Variants in CHCHD6 observed in about 807,000 individuals in gnomAD.
CHCHD6 encodes MICOS complex subunit MIC25.
Under a neutral mutation model 32.3 loss-of-function variants are expected in CHCHD6, and 28 were observed. The observed-to-expected ratio is 0.87, with a 90% CI of 0.64 to 1.19. CHCHD6 has a LOEUF of 1.19. Among genes scored for constraint, CHCHD6 ranks in the 50% most tolerant of loss-of-function variants. CHCHD6 has a pLI of 0.00. For missense variants in CHCHD6, 333 were observed against 307.0 expected (o/e 1.08, Z -0.63); for synonymous variants, 122 against 117.5 (o/e 1.04, Z -0.25).
chr3:126,764,582 A>G (rs1342600225), intron 4 of CHCHD6, among the ~76,000 whole-genome samples: 1 of 152,210 alleles, frequency 6.6e-6, no homozygotes, highest in Admixed American at 6.5e-5. Context: ...GCTGGCTGCC[A>G]GGTTTACATG....
intron 1 of CHCHD6, among the ~76,000 whole-genome samples, chr3:126,722,150 C>T (rs1935330351): frequency 6.6e-6 from 1 of 152,106 alleles, no homozygotes; most frequent in African/African-American, 2.4e-5. Flanking sequence ...TATAATTTGA[C>T]TTTAAAAATT....
intron 6 of CHCHD6, among the ~76,000 whole-genome samples, chr3:126,918,392 A>T (rs1218250024): frequency 6.6e-6 from 1 of 152,228 alleles, no homozygotes; most frequent in Admixed American, 6.5e-5. Flanking sequence ...TGTTTGCCAG[A>T]CACCATGCTA....
At chr3:126,819,698 CTCTAAA>C (rs1940068771) in intron 4 of CHCHD6, among the ~76,000 whole-genome samples, 13 of 152,210 alleles carry the variant, frequency 8.5e-5, no homozygotes, top group Admixed American at 8.5e-4. Flanking sequence ...GCAAATAGGT[CTCTAAA>C]TGGACGTCTG....
chr3:126,896,309 A>G (rs913408087), intron 5 of CHCHD6, among the ~76,000 whole-genome samples: 1 of 152,118 alleles, frequency 6.6e-6, no homozygotes, highest in Non-Finnish European at 1.5e-5. Context: ...GCTCTTTGGG[A>G]CTTTGTCAAA....
intron 4 of CHCHD6, among the ~76,000 whole-genome samples, chr3:126,742,344 C>T (rs897944632): frequency 6.6e-6 from 1 of 152,200 alleles, no homozygotes; most frequent in Non-Finnish European, 1.5e-5. Flanking sequence ...GGTCTGGTTA[C>T]TACTTACTGC....
intron 4 of CHCHD6, among the ~76,000 whole-genome samples, chr3:126,763,433 C>T (rs1468101958): frequency 2.6e-5 from 4 of 151,970 alleles, no homozygotes; most frequent in Admixed American, 6.6e-5. Context: ...CTCACACAAG[C>T]CTGCCTCAGC....
intron 6 of CHCHD6, among the ~76,000 whole-genome samples, chr3:126,923,317 CT>C (rs1306172882): frequency 3.3e-5 from 5 of 152,192 alleles, no homozygotes; most frequent in Non-Finnish European, 2.9e-5. Context: ...ACAAATTGCT[CT>C]GTTTAAAATT....
At chr3:126,874,838 C>T (rs1253811800) in intron 5 of CHCHD6, among the ~76,000 whole-genome samples, 1 of 152,178 alleles carries the variant, frequency 6.6e-6, no homozygotes, top group African/African-American at 2.4e-5. Context: ...TATGGTCTGT[C>T]CTTCACGGTC....
chr3:126,867,259 C>A (rs1942319151), intron 5 of CHCHD6, among the ~76,000 whole-genome samples: 1 of 152,190 alleles, frequency 6.6e-6, no homozygotes, highest in South Asian at 2.1e-4. Context: ...TGATTTATGT[C>A]ATTTCCTCCA....
intron 6 of CHCHD6, among the ~76,000 whole-genome samples, chr3:126,916,400 TAA>T (rs11338384): frequency 4.4e-3 from 619 of 139,618 alleles, no homozygotes; most frequent in Middle Eastern, 7.1e-3. Context: ...GAATCCATCT[TAA>T]AAAAAAAAAA....
At chr3:126,807,400 C>T (rs535985610) in intron 4 of CHCHD6, among the ~76,000 whole-genome samples, 81 of 151,852 alleles carry the variant, frequency 5.3e-4, no homozygotes, top group African/African-American at 1.9e-3. Context: ...TTAGAAAAAA[C>T]CCATTAGAAA....
At chr3:126,806,772 C>A (rs924750593) in intron 4 of CHCHD6, among the ~76,000 whole-genome samples, 22 of 151,874 alleles carry the variant, frequency 1.4e-4, no homozygotes, top group African/African-American at 3.6e-4. Context: ...GGCACTATTC[C>A]CAATAGCAAA....
chr3:126,774,603 A>C (rs1293304158), intron 4 of CHCHD6, among the ~76,000 whole-genome samples: 2 of 152,024 alleles, frequency 1.3e-5, no homozygotes, highest in Non-Finnish European at 2.9e-5. Context: ...AGTGATCTCC[A>C]CCGACAGGGA....
chr3:126,879,124 A>C (rs944707026), intron 5 of CHCHD6, among the ~76,000 whole-genome samples: 3 of 152,214 alleles, frequency 2.0e-5, no homozygotes, highest in African/African-American at 7.2e-5. Flanking sequence ...ATGTAGGAGC[A>C]CAAGGTGTTT....
At chr3:126,954,531 A>G (rs1468472633) in intron 6 of CHCHD6, among the ~76,000 whole-genome samples, 5 of 152,190 alleles carry the variant, frequency 3.3e-5, no homozygotes. Flanking sequence ...TGTCTATGGT[A>G]CCTCTTTTCA....
chr3:126,920,039 CT>C (rs1403355502), intron 6 of CHCHD6, among the ~76,000 whole-genome samples: 1 of 151,612 alleles, frequency 6.6e-6, no homozygotes, highest in African/African-American at 2.4e-5. Flanking sequence ...GTCTCTTGTT[CT>C]TTTTTCTGGT....
chr3:126,925,030 A>T (rs973965193), intron 6 of CHCHD6, among the ~76,000 whole-genome samples: 4 of 152,252 alleles, frequency 2.6e-5, no homozygotes, highest in African/African-American at 9.6e-5. Flanking sequence ...AGCTTGCAGC[A>T]GTCAGTATAG....
chr3:126,826,577 A>G (rs1421352401), intron 4 of CHCHD6, among the ~76,000 whole-genome samples: 5 of 152,114 alleles, frequency 3.3e-5, no homozygotes, highest in Admixed American at 6.5e-5. Context: ...TGTGTGTTAT[A>G]TAATTGTGTC....
chr3:126,789,091 T>C (rs534535905), intron 4 of CHCHD6, among the ~76,000 whole-genome samples: 1 of 152,368 alleles, frequency 6.6e-6, no homozygotes, highest in African/African-American at 2.4e-5. Flanking sequence ...CCATTAATCA[T>C]TCAGGAGCAG....
Sources: allele counts gnomAD v4.1 joint callset (sites outside exome capture counted in the v4.1 genomes callset), GRCh38; gene constraint gnomAD v4.1.1; transcripts MANE v1.5; gene names NCBI Gene and HGNC (gene_info 2026-07-23, HGNC 2026-07-21).